The following EFHC1 variants were observed in gnomAD, a reference collection of about 807,000 sequenced individuals.
The protein encoded by EFHC1 is EF-hand domain-containing protein 1.
A neutral mutation model predicts 69.9 loss-of-function variants in EFHC1; 53 were observed. The observed-to-expected ratio is 0.76, with a 90% CI of 0.61 to 0.95. The LOEUF (loss-of-function observed/expected upper bound fraction) is 0.95, where lower values mean the gene tolerates loss of function less well. EFHC1 is among the 40% of genes least tolerant of loss of function. The pLI is 0.00. For missense variants in EFHC1, 739 were observed against 798.7 expected, an observed-to-expected ratio of 0.93 and a Z score of 0.90; for synonymous variants, 256 against 278.4, an observed-to-expected ratio of 0.92 and a Z score of 0.80.
chr6:52,445,960 G>C (rs1296353808), intron 3 of EFHC1, among the ~76,000 whole-genome samples: 2 of 152,186 alleles, frequency 1.3e-5, no homozygotes, highest in African/African-American at 4.8e-5. Context: ...TACATTTGCT[G>C]AGGAGTGCTT....
At chr6:52,453,622 CAA>C (rs150509864) in intron 4 of EFHC1, 13,332 of 979,722 alleles carry the variant, frequency 0.014, no homozygotes, top group Admixed American at 0.03. Flanking sequence ...GAAGCCTAGC[CAA>C]AAAAAAAAAA....
chr6:52,478,561 A>C (rs1765594789), intron 7 of EFHC1, among the ~76,000 whole-genome samples: 1 of 152,152 alleles, frequency 6.6e-6, no homozygotes, highest in South Asian at 2.1e-4. Context: ...TGCTTAAAAA[A>C]CGAAACCTTG....
rs530838377 is a variant in EFHC1, at chr6:52,423,804, C to G, written c.64-142C>G. ...TATAGGCACGAGCCACCATGCCCAG[C>G]CTTAATGTTGGTAAGCTTCTTGATG... On this transcript the variant is annotated intron_variant, in intron 1 of 10. Transcript: ENST00000371068. 213 of 1,534,706 alleles carry G rather than the reference C, an allele frequency of 1.4e-4. 6 individuals are homozygous for G. The South Asian group carries it at 2.2e-3, about 16-fold the overall frequency.
chr6:52,492,314 T>C lies in EFHC1; in HGVS notation c.1896T>C (p.Tyr632=). The change falls in exon 11 of 11, where the codon TAT becomes TAC. Residue 632 remains tyrosine, a synonymous_variant. Coordinates refer to ENST00000371068, the MANE Select transcript of EFHC1 (RefSeq NM_018100.4). ...CSHGEGKINY[Y]NFVRAFSN ...ATGGAGAAGGCAAAATTAACTACTA[T>C]AACTTTGTTCGTGCTTTCTCAAACT... is the stretch of plus-strand genomic sequence containing the variant. The C allele has an allele frequency of 6.2e-7, 1 of 1,614,074 alleles. No individual in the cohort carries two copies. The highest frequency in any genetic ancestry group is 1.1e-5 in the South Asian group (1 of 91,072).
At chr6:52,484,310 T>C (rs1247666142) in intron 9 of EFHC1, 1 of 152,232 alleles carries the variant, frequency 6.6e-6, no homozygotes, top group Non-Finnish European at 1.5e-5. Context: ...TTTATATCTA[T>C]TGCTATTTAG....
Position 52,496,717 on chromosome 6 carries a change from G to C in EFHC1, c.*4376G>C, listed in dbSNP as rs1156723231. ...AAAGACTCGGAAGGGTTAACTGCTT[G>C]AGTTCACCTAGCTTCTCATGGCAGA... is the stretch of plus-strand genomic sequence containing the variant. On this transcript the variant is annotated 3_prime_UTR_variant, in exon 11 of 11. Transcript: ENST00000371068. 6.6e-6 allele frequency: 1 copy of C among 152,160 alleles called. No homozygotes were observed. Among genetic ancestry groups the C allele is most frequent in the Non-Finnish European group, 1.5e-5 (1 of 68,030 alleles). 9.4% of individuals were successfully genotyped at this position (152,160 alleles called of 1,614,324 possible). A position where few individuals can be genotyped will look rare whatever the true frequency, so the allele number is the denominator to read the frequency against.
At chr6:52,446,370 C>T (rs1764786525) in intron 3 of EFHC1, among the ~76,000 whole-genome samples, 1 of 152,154 alleles carries the variant, frequency 6.6e-6, no homozygotes, top group South Asian at 2.1e-4. Context: ...TTATCAGAGA[C>T]TAGGATTGCA....
In EFHC1 at chr6:52,479,131, A is replaced by G. The variant is rs1562462191; in HGVS notation, c.1373A>G (p.Asn458Ser). 5 of 1,614,118 alleles carry G rather than the reference A, an allele frequency of 3.1e-6. No individual in the cohort carries two copies. Among genetic ancestry groups the G allele is most frequent in the East Asian group, 2.2e-5 (1 of 44,884 alleles). ...AGTATCTTTGAGCCTCCTGTTCGCA[A>G]TTCTGGTATCATTGGGGGCAAGTAC... ...MISIFEPPVR[N>S]SGIIGGKYLG... Residue 458 changes from asparagine to serine, a missense_variant, in exon 8 of 11, where the codon AAT (asparagine) becomes AGT (serine). Transcript: ENST00000371068.
chr6:52,431,394 G>A (rs1043049426), intron 2 of EFHC1, among the ~76,000 whole-genome samples: 1 of 152,022 alleles, frequency 6.6e-6, no homozygotes, highest in Non-Finnish European at 1.5e-5. Flanking sequence ...GCTTTGATAG[G>A]TTGTGTCATT....
chr6:52,454,220 T>C lies in EFHC1; in HGVS notation c.849T>C (p.Asp283=). Residue 283 remains aspartate, a synonymous_variant, in exon 5 of 11, where the codon GAT becomes GAC. Coordinates refer to ENST00000371068, the MANE Select transcript of EFHC1 (RefSeq NM_018100.4). ...TTCGAGAGGTCCACGAACGGAATGA[T>C]GGGAGAGATCCTTTCCCACTCCTAA... ...VEIREVHERN[D]GRDPFPLLMN... The C allele has an allele frequency of 6.2e-7, 1 of 1,614,190 alleles. No individual in the cohort carries two copies. The highest frequency in any genetic ancestry group is 8.5e-7 in the Non-Finnish European group (1 of 1,180,026).
intron 5 of EFHC1, among the ~76,000 whole-genome samples, chr6:52,464,139 C>T (rs761026359): frequency 6.6e-6 from 1 of 152,182 alleles, no homozygotes; most frequent in Non-Finnish European, 1.5e-5. Flanking sequence ...TGCCAGGCTG[C>T]AGGTAATCAA....
chr6:52,450,971 G>A (rs1220032291), intron 3 of EFHC1, among the ~76,000 whole-genome samples: 2 of 151,638 alleles, frequency 1.3e-5, no homozygotes, highest in Non-Finnish European at 2.9e-5. Flanking sequence ...GCTAATTTTT[G>A]TATTTTTTAG....
chr6:52,476,940 A>ATTTAAG (rs1765556715), intron 7 of EFHC1, among the ~76,000 whole-genome samples: 1 of 152,182 alleles, frequency 6.6e-6, no homozygotes, highest in South Asian at 2.1e-4. Context: ...AATTGTACTA[A>ATTTAAG]TGGCTATATA....
chr6:52,442,247 T>C (rs1405598304), intron 3 of EFHC1, among the ~76,000 whole-genome samples: 1 of 152,158 alleles, frequency 6.6e-6, no homozygotes, highest in Non-Finnish European at 1.5e-5. Context: ...TTTTCATAGA[T>C]GGCTCTGATT....
intron 3 of EFHC1, among the ~76,000 whole-genome samples, chr6:52,439,059 A>G (rs1369495079): frequency 6.6e-6 from 1 of 152,180 alleles, no homozygotes; most frequent in African/African-American, 2.4e-5. Context: ...CTTACCATCT[A>G]AAGAATTTCT....
chr6:52,486,964 A>G (rs1449450920), intron 9 of EFHC1: 1 of 152,152 alleles, frequency 6.6e-6, no homozygotes, highest in Non-Finnish European at 1.5e-5. Flanking sequence ...TGCTTAGGCA[A>G]TTATATGAGA....
chr6:52,492,253 C>T lies in EFHC1; in HGVS notation c.1852-17C>T. The T allele has an allele frequency of 1.2e-6, 2 of 1,612,414 alleles. No homozygotes were observed. Among genetic ancestry groups the T allele is most frequent in the Non-Finnish European group, 8.5e-7 (1 of 1,178,534 alleles). On this transcript the variant is annotated splice_polypyrimidine_tract_variant and intron_variant, in intron 10 of 10. Coordinates refer to ENST00000371068, the MANE Select transcript of EFHC1 (RefSeq NM_018100.4). Reference sequence around the variant, plus strand: ...CCTGCAGATCTGTCTCACCTATTCTCTTTGCTCTCTCTGCAGTTAATCAGG... The same window carrying T: ...CCTGCAGATCTGTCTCACCTATTCTTTTTGCTCTCTCTGCAGTTAATCAGG...
intron 5 of EFHC1, among the ~76,000 whole-genome samples, chr6:52,460,144 A>G (rs1307411100): frequency 1.3e-5 from 2 of 152,208 alleles, no homozygotes; most frequent in Admixed American, 6.5e-5. Context: ...GCAAATGTCT[A>G]TTAACAGTTA....
chr6:52,445,462 GCAGCAGTCCC>G (rs1764762879), intron 3 of EFHC1, among the ~76,000 whole-genome samples: 1 of 53,554 alleles, frequency 1.9e-5, no homozygotes, highest in Admixed American at 2.5e-4. Context: ...CCCCTACCCC[GCAGCAGTCCC>G]CAGAGTGTGA....
Sources: gnomAD v4.1 joint callset for allele counts (sites outside exome capture counted in the v4.1 genomes callset) on GRCh38, gnomAD v4.1.1 for gene constraint, MANE v1.5 for transcripts, NCBI Gene and HGNC (gene_info 2026-07-23, HGNC 2026-07-21) for gene names.